RHBG: variants seen among roughly 807,000 people sequenced by gnomAD.
RHBG encodes Rh family B glycoprotein.
A neutral mutation model predicts 40.1 loss-of-function variants in RHBG; 39 were observed. The ratio of observed to expected loss-of-function variants is 0.97; its 90% confidence interval spans 0.75 to 1.27. The LOEUF (loss-of-function observed/expected upper bound fraction) is 1.27, where lower values mean the gene tolerates loss of function less well. RHBG is among the 50% of genes most tolerant of loss of function. The pLI, the probability that RHBG is intolerant of heterozygous loss-of-function variation, is 0.00. For missense variants in RHBG, 549 were observed against 588.1 expected, an observed-to-expected ratio of 0.93 and a Z score of 0.69; for synonymous variants, 237 against 252.5, an observed-to-expected ratio of 0.94 and a Z score of 0.58.
At chr1:156,372,179 C>T (rs540304159) in intron 1 of RHBG, among the ~76,000 whole-genome samples, 17 of 152,292 alleles carry the variant, frequency 1.1e-4, no homozygotes, top group African/African-American at 1.4e-4. Flanking sequence ...TCTGAGGGTC[C>T]GTCTGTTTTC....
At chr1:156,373,197 G>A (rs1029080185) in intron 1 of RHBG, among the ~76,000 whole-genome samples, 2 of 152,248 alleles carry the variant, frequency 1.3e-5, no homozygotes, top group Middle Eastern at 3.4e-3. Context: ...TGAGGTGAGA[G>A]GACTGCTTGA....
chr1:156,370,637 A>AAAAG (rs1557793367), intron 1 of RHBG, among the ~76,000 whole-genome samples: 2 of 143,142 alleles, frequency 1.4e-5, no homozygotes, highest in African/African-American at 2.6e-5. Context: ...AAAAAAAAAA[A>AAAAG]AAAGAAAGAA....
chr1:156,373,433 A>T (rs1666982695), intron 1 of RHBG, among the ~76,000 whole-genome samples: 1 of 151,592 alleles, frequency 6.6e-6, no homozygotes, highest in African/African-American at 2.4e-5. Context: ...GCAAAAAAAT[A>T]AAAAAGTGTA....
chr1:156,376,483 C>T (rs903603353), intron 1 of RHBG, among the ~76,000 whole-genome samples: 22 of 151,876 alleles, frequency 1.4e-4, no homozygotes, highest in Non-Finnish European at 2.8e-4. Flanking sequence ...TGTCCCTCAA[C>T]CTCCCAAGCA....
Position 156,384,969 on chromosome 1 carries a change from C to A in RHBG, c.*124C>A. 1.6e-6 allele frequency: 1 copy of A among 636,096 alleles called. No individual in the cohort carries two copies. 39.4% of individuals were successfully genotyped at this position (636,096 alleles called of 1,614,324 possible). A position where few individuals can be genotyped will look rare whatever the true frequency, so the allele number is the denominator to read the frequency against. On this transcript the variant is annotated 3_prime_UTR_variant, in exon 10 of 10. Coordinates refer to ENST00000537040, the MANE Select transcript of RHBG (RefSeq NM_020407.5). ...AAGGGAGCCATGAGCCAGAAGGAGG[C>A]CCCTTTCCACAGGCAGCGTCTCCAC... is the stretch of plus-strand genomic sequence containing the variant.
In RHBG at chr1:156,378,316, C is replaced by T. The variant is rs267598074; in HGVS notation, c.590C>T (p.Ser197Leu). 61 of 1,614,094 alleles carry T rather than the reference C, an allele frequency of 3.8e-5. No individual in the cohort carries two copies. Among genetic ancestry groups the T allele is most frequent in the Middle Eastern group, 3.3e-4 (2 of 6,062 alleles). ...GGTGCCTACTTCGGGCTCGTCCTTT[C>T]GCGGGTTCTGTACAGGCCCCAGCTG... ...TFGAYFGLVL[S>L]RVLYRPQLEK... The change falls in exon 4 of 10, where the codon TCG (serine) becomes TTG (leucine). Residue 197 changes from serine (S) to leucine (L), a missense_variant. Coordinates refer to ENST00000537040, the MANE Select transcript of RHBG (RefSeq NM_020407.5).
chr1:156,379,292 G>A (rs940389863), intron 4 of RHBG, among the ~76,000 whole-genome samples: 2 of 151,938 alleles, frequency 1.3e-5, no homozygotes, highest in African/African-American at 4.8e-5. Flanking sequence ...CACTACGCCC[G>A]GCTACCACCA....
chr1:156,385,036 G>A lies in RHBG; in HGVS notation c.*191G>A, dbSNP rs1667951834. 1 of 560,298 alleles carries A rather than the reference G, an allele frequency of 1.8e-6. No homozygotes were observed. The allele number at this position is 560,298 out of a possible 1,614,324, so 34.7% of individuals were successfully genotyped here. A position where few individuals can be genotyped will look rare whatever the true frequency, so the allele number is the denominator to read the frequency against. Reference sequence around the variant, plus strand: ...GGAGGCTGGGAAATGGTGGGGAGTGGGGCCGTAACTGGGTACAATAGGGGG... The same window carrying A: ...GGAGGCTGGGAAATGGTGGGGAGTGAGGCCGTAACTGGGTACAATAGGGGG... On this transcript the variant is annotated 3_prime_UTR_variant, in exon 10 of 10. Coordinates refer to ENST00000537040, the MANE Select transcript of RHBG (RefSeq NM_020407.5).
Position 156,369,985 on chromosome 1 carries a change from C to G in RHBG, c.187+549C>G, listed in dbSNP as rs77115412. 0.014 allele frequency among the ~76,000 whole-genome samples: 2,061 copies of G among 152,164 alleles called. 121 individuals are homozygous for G. In the East Asian group the frequency reaches 0.17, roughly 13 times the overall value. On this transcript the variant is annotated intron_variant, in intron 1 of 9. Coordinates refer to ENST00000537040, the MANE Select transcript of RHBG (RefSeq NM_020407.5). Reference sequence around the variant, plus strand: ...ACCAGTTGGGATCAGGCATTTCTTCCCTAGTCCCTCAAAGCTGGTCCTTTC... The same window carrying G: ...ACCAGTTGGGATCAGGCATTTCTTCGCTAGTCCCTCAAAGCTGGTCCTTTC...
intron 1 of RHBG, 42 bp downstream of exon 1, chr1:156,369,478 G>T: frequency 6.5e-7 from 1 of 1,544,182 alleles, no homozygotes; most frequent in South Asian, 1.2e-5. Context: ...AAGACCCCAA[G>T]ATTTGCAAAG....
At chr1:156,384,447 G>T (rs1667901656) in intron 8 of RHBG, 80 bp from the exon 9 acceptor site, 1 of 1,291,248 alleles carries the variant, frequency 7.7e-7, no homozygotes, top group Middle Eastern at 1.8e-4. Flanking sequence ...CTAGACCCCT[G>T]TGCCCTGTGG....
intron 4 of RHBG, among the ~76,000 whole-genome samples, chr1:156,381,093 G>A (rs1667594897): frequency 6.6e-6 from 1 of 152,098 alleles, no homozygotes; most frequent in South Asian, 2.1e-4. Flanking sequence ...GTAGAGATGG[G>A]ATTTCACTAT....
chr1:156,381,505 C>G lies in RHBG; in HGVS notation c.832C>G (p.Leu278Val), dbSNP rs749445079. The change falls in exon 5 of 10, where the codon CTT becomes GTT. Residue 278 changes from leucine to valine, a missense_variant. This residue lies in a region of RHBG where 399 missense variants were observed against 417.0 expected (regional missense o/e 0.96). Transcript: ENST00000537040. ...AGCCCTTGTAGGGGAAGATGGGAGG[C>G]TTGACATGGTATGGGGAAGAGGACT... is the stretch of plus-strand genomic sequence containing the variant. ...LSALVGEDGR[L>V]DMVHIQNAAL... 6.2e-7 allele frequency: 1 copy of G among 1,609,242 alleles called. No individual in the cohort carries two copies. Among genetic ancestry groups the G allele is most frequent in the South Asian group, 1.1e-5 (1 of 90,354 alleles).
intron 1 of RHBG, among the ~76,000 whole-genome samples, chr1:156,372,590 G>A (rs1666927286): frequency 6.6e-6 from 1 of 152,206 alleles, no homozygotes; most frequent in Non-Finnish European, 1.5e-5. Context: ...AGTGGCTTGT[G>A]ATCTCTTCTA....
chr1:156,378,714 C>A (rs1667402756), intron 4 of RHBG, among the ~76,000 whole-genome samples: 1 of 152,224 alleles, frequency 6.6e-6, no homozygotes, highest in Non-Finnish European at 1.5e-5. Flanking sequence ...GTCAGCCCCT[C>A]CTCCTCCCTC....
At chr1:156,382,319 G>C in intron 7 of RHBG, 118 bp downstream of exon 7, 1 of 1,521,260 alleles carries the variant, frequency 6.6e-7, no homozygotes, top group South Asian at 1.1e-5. Context: ...TCCATATTCT[G>C]GGAGCAAAGG....
Position 156,384,291 on chromosome 1 carries a change from GAAT to G in RHBG, c.1235-231_1235-229del, listed in dbSNP as rs1475534876. The G allele has an allele frequency of 3.3e-5, 20 of 601,696 alleles. No homozygotes were observed. The East Asian group carries it at 5.5e-4, about 17-fold the overall frequency. 37.3% of individuals were successfully genotyped at this position (601,696 alleles called of 1,614,324 possible). ...TCTTGTTTCTTTGTTTGTAATACAG[GAAT>G]AATATTGGCCTTGCAGGGTTGTTGT... On this transcript the variant is annotated intron_variant, in intron 8 of 9. Coordinates refer to ENST00000537040, the MANE Select transcript of RHBG (RefSeq NM_020407.5).
chr1:156,383,522 C>T (rs1008512887), intron 8 of RHBG, among the ~76,000 whole-genome samples: 13 of 151,956 alleles, frequency 8.6e-5, no homozygotes, highest in South Asian at 2.1e-4. Flanking sequence ...GTGATCCGCC[C>T]GCCTCGGCCT....
At position 156,378,355 on chromosome 1, in the gene RHBG, A is replaced by G; in HGVS notation, c.629A>G (p.His210Arg). The G allele has an allele frequency of 6.2e-7, 1 of 1,612,980 alleles. No individual in the cohort carries two copies. Among genetic ancestry groups the G allele is most frequent in the Non-Finnish European group, 8.5e-7 (1 of 1,179,454 alleles). The stretch of plus-strand genomic sequence containing the variant: ...AGGCCCCAGCTGGAGAAGAGCAAGC[A>G]CCGCCAGGGCTCCGTCTACCATTCA... Reference protein sequence around the residue: ...LYRPQLEKSKHRQGSVYHSDL... With the variant: ...LYRPQLEKSKRRQGSVYHSDL... Residue 210 changes from histidine (H) to arginine (R), a missense_variant, in exon 4 of 10, where the codon CAC becomes CGC. Coordinates refer to ENST00000537040, the MANE Select transcript of RHBG (RefSeq NM_020407.5).
Sources: gnomAD v4.1 joint callset for allele counts (sites outside exome capture counted in the v4.1 genomes callset) on GRCh38, gnomAD v4.1.1 for gene constraint, gnomAD v4.1.1 regional missense constraint, MANE v1.5 for transcripts, NCBI Gene and HGNC (gene_info 2026-07-23, HGNC 2026-07-21) for gene names.